DPYD: variants seen among roughly 807,000 people sequenced by gnomAD.
The protein encoded by DPYD is dihydropyrimidine dehydrogenase.
Under a neutral mutation model 116.2 loss-of-function variants are expected in DPYD, and 109 were observed. That is an observed-to-expected ratio of 0.94 (90% CI 0.80 to 1.10). DPYD has a LOEUF of 1.10. Among genes scored for constraint, DPYD ranks in the 50% least tolerant of loss-of-function variants. DPYD has a pLI of 0.00. For missense variants in DPYD, 1,302 were observed against 1,254.5 expected (o/e 1.04, Z -0.57); for synonymous variants, 440 against 432.0 (o/e 1.02, Z -0.23).
chr1:97,348,417 AG>A, intron 16 of DPYD, among the ~76,000 whole-genome samples: 1 of 152,338 alleles, frequency 6.6e-6, no homozygotes, highest in South Asian at 2.1e-4. Flanking sequence ...ATTCTACAAA[AG>A]AAACAGTTAA....
chr1:97,729,459 TA>T (rs1422635763), intron 4 of DPYD, among the ~76,000 whole-genome samples: 1 of 152,170 alleles, frequency 6.6e-6, no homozygotes, highest in East Asian at 1.9e-4. Flanking sequence ...GTTCCCACTC[TA>T]CCCCTTTAGG....
At chr1:97,677,073 G>A (rs533467330) in intron 8 of DPYD, among the ~76,000 whole-genome samples, 2 of 152,268 alleles carry the variant, frequency 1.3e-5, no homozygotes, top group East Asian at 3.9e-4. Flanking sequence ...GGACTTAATA[G>A]TATAAAATTA....
chr1:97,125,615 C>T (rs1173170131), intron 20 of DPYD, among the ~76,000 whole-genome samples: 2 of 152,170 alleles, frequency 1.3e-5, no homozygotes, highest in East Asian at 3.9e-4. Context: ...TATTGAAACC[C>T]CAACCTCCAA....
At chr1:97,523,700 T>C (rs539984548) in intron 12 of DPYD, among the ~76,000 whole-genome samples, 48 of 152,296 alleles carry the variant, frequency 3.2e-4, no homozygotes, top group African/African-American at 1.1e-3. Context: ...ATTTTGCCTT[T>C]CGTTTTTTGT....
intron 19 of DPYD, among the ~76,000 whole-genome samples, chr1:97,212,659 C>G (rs1244253159): frequency 6.6e-6 from 1 of 152,064 alleles, no homozygotes; most frequent in African/African-American, 2.4e-5. Flanking sequence ...TTTTCCAAAG[C>G]AGTTGCACCG....
chr1:97,889,106 G>A (rs1048030048), intron 1 of DPYD, among the ~76,000 whole-genome samples: 19 of 151,946 alleles, frequency 1.3e-4, no homozygotes, highest in East Asian at 7.8e-4. Flanking sequence ...ACAATGAGCC[G>A]AGATCACGCC....
chr1:97,126,936 C>A (rs1652889440), intron 20 of DPYD, among the ~76,000 whole-genome samples: 1 of 152,134 alleles, frequency 6.6e-6, no homozygotes, highest in East Asian at 1.9e-4. Flanking sequence ...ATTCATTCAA[C>A]AAATATTTTT....
intron 14 of DPYD, among the ~76,000 whole-genome samples, chr1:97,410,127 C>T (rs1386445318): frequency 6.6e-6 from 1 of 151,420 alleles, no homozygotes; most frequent in East Asian, 1.9e-4. Context: ...CTCCTCCCAG[C>T]TCTATTTTAT....
At position 97,082,520 on chromosome 1, in the gene DPYD, A is replaced by G. The variant is rs369262488; in HGVS notation, c.2767-50T>C. ...AGCAAGCTCATTTTAAAACATTTTC[A>G]TGTAATAATTAATATCACTCAGCAT... On this transcript the variant is annotated intron_variant, in intron 21 of 22. Coordinates refer to ENST00000370192, the MANE Select transcript of DPYD (RefSeq NM_000110.4). 1.2e-4 allele frequency: 191 copies of G among 1,601,422 alleles called. 1 individual carries two copies. The African/African-American group carries it at 2.2e-3, about 18-fold the overall frequency.
At chr1:97,382,497 T>C (rs748559278) in intron 14 of DPYD, 36 bp from the exon 15 acceptor site, 3 of 1,335,906 alleles carry the variant, frequency 2.2e-6, no homozygotes, top group Non-Finnish European at 3.2e-6. Flanking sequence ...TAAGTTCAAG[T>C]AGTTATCCAG....
intron 3 of DPYD, among the ~76,000 whole-genome samples, chr1:97,767,101 G>C (rs1050881137): frequency 1.3e-5 from 2 of 152,144 alleles, no homozygotes; most frequent in Non-Finnish European, 2.9e-5. Flanking sequence ...GTGATTGCTA[G>C]GTAGCTCCTG....
chr1:97,264,152 G>A (rs57803212), intron 18 of DPYD, among the ~76,000 whole-genome samples: 10,184 of 126,124 alleles, frequency 0.081, 933 homozygotes, highest in African/African-American at 0.22. Context: ...AATCTTAATA[G>A]CAAAATTCTG....
intron 14 of DPYD, among the ~76,000 whole-genome samples, chr1:97,414,954 A>G (rs1674210376): frequency 6.6e-6 from 1 of 152,208 alleles, no homozygotes; most frequent in African/African-American, 2.4e-5. Flanking sequence ...TTTTTTTAAA[A>G]AACTCATTAA....
intron 8 of DPYD, among the ~76,000 whole-genome samples, chr1:97,655,396 A>G (rs1179799735): frequency 6.6e-6 from 1 of 152,190 alleles, no homozygotes; most frequent in Non-Finnish European, 1.5e-5. Context: ...TTAAGCCTCA[A>G]ATAGAGCGAG....
At chr1:97,437,042 A>G (rs1675509412) in intron 14 of DPYD, among the ~76,000 whole-genome samples, 1 of 151,800 alleles carries the variant, frequency 6.6e-6, no homozygotes, top group Admixed American at 6.6e-5. Flanking sequence ...ATTAAAGTAT[A>G]CAATAAATTA....
intron 13 of DPYD, among the ~76,000 whole-genome samples, chr1:97,482,745 G>C (rs1405451499): frequency 2.0e-5 from 3 of 152,064 alleles, no homozygotes; most frequent in African/African-American, 7.2e-5. Context: ...TTTGTACAGA[G>C]AAAGCACTCC....
chr1:97,822,139 A>G (rs1344075160), intron 3 of DPYD, among the ~76,000 whole-genome samples: 1 of 151,324 alleles, frequency 6.6e-6, no homozygotes, highest in African/African-American at 2.4e-5. Flanking sequence ...CCAACCAGCC[A>G]GATGTAATAG....
intron 3 of DPYD, among the ~76,000 whole-genome samples, chr1:97,811,954 G>T (rs1354132265): frequency 6.6e-6 from 1 of 152,024 alleles, no homozygotes; most frequent in Non-Finnish European, 1.5e-5. Context: ...ACTATAAGTG[G>T]AAATTTTAGA....
At chr1:97,627,244 G>T (rs568861550) in intron 8 of DPYD, among the ~76,000 whole-genome samples, 1 of 152,180 alleles carries the variant, frequency 6.6e-6, no homozygotes, top group Non-Finnish European at 1.5e-5. Flanking sequence ...CTGAGATGCA[G>T]ATCCAGGATT....
Sources: allele counts gnomAD v4.1 joint callset (sites outside exome capture counted in the v4.1 genomes callset), GRCh38; gene constraint gnomAD v4.1.1; transcripts MANE v1.5; gene names NCBI Gene and HGNC (gene_info 2026-07-23, HGNC 2026-07-21).